The following VTA1 variants were observed in gnomAD, a reference collection of about 807,000 sequenced individuals.
The protein encoded by VTA1 is vesicle trafficking 1, also known as vacuolar protein sorting-associated protein VTA1 homolog.
VTA1 carries 24 observed loss-of-function variants against 36.9 expected under a neutral mutation model. That is an observed-to-expected ratio of 0.65 (90% confidence interval 0.47 to 0.91). The LOEUF is 0.91. VTA1 is among the 40% of genes least tolerant of loss of function. The pLI is 0.00. For synonymous variants in VTA1, 142 were observed against 130.2 expected, an observed-to-expected ratio of 1.09 and a Z score of -0.62; for missense variants, 393 against 377.2, an observed-to-expected ratio of 1.04 and a Z score of -0.35.
chr6:142,167,069 C>T (rs2114642530), intron 2 of VTA1, among the ~76,000 whole-genome samples: 1 of 152,280 alleles, frequency 6.6e-6, no homozygotes, highest in African/African-American at 2.4e-5. Context: ...CTTATCCTTT[C>T]TTCCTCCCTC....
rs974889144 is a variant in VTA1, at chr6:142,163,301, G to A, written c.113-2927G>A. ...CTAGTATTTATATTCTAGGTAGTAG[G>A]GAGGAAAAAAGGGAGAGGGTCTGCA... On this transcript the variant is annotated intron_variant, in intron 1 of 7. Coordinates refer to ENST00000367630, the MANE Select transcript of VTA1 (RefSeq NM_016485.5). 5.3e-5 allele frequency among the ~76,000 whole-genome samples: 8 copies of A among 151,860 alleles called. No homozygotes were observed. In the East Asian group the frequency reaches 1.5e-3, roughly 29 times the overall value.
intron 7 of VTA1, among the ~76,000 whole-genome samples, chr6:142,216,497 T>C (rs572334055): frequency 6.6e-6 from 1 of 152,276 alleles, no homozygotes; most frequent in African/African-American, 2.4e-5. Flanking sequence ...TGGATCTAAA[T>C]CTGTACATTG....
chr6:142,165,700 C>T (rs947093075), intron 1 of VTA1, among the ~76,000 whole-genome samples: 2 of 152,114 alleles, frequency 1.3e-5, no homozygotes, highest in African/African-American at 4.8e-5. Flanking sequence ...GTGGTGACAG[C>T]TATTTAGGTT....
In VTA1 at chr6:142,223,598, G is replaced by A. The variant is rs1402870688; in HGVS notation, c.*4955G>A. On this transcript the variant is annotated 3_prime_UTR_variant, in exon 8 of 8. Coordinates refer to ENST00000367630, the MANE Select transcript of VTA1 (RefSeq NM_016485.5). The stretch of plus-strand genomic sequence containing the variant: ...GAGGGAAAGACATAATTGCATAGCA[G>A]TATTCCATGAATATAACTTAATGGG... The A allele has an allele frequency of 6.6e-6, 1 of 152,010 alleles. No individual in the cohort carries two copies. Among genetic ancestry groups the A allele is most frequent in the Non-Finnish European group, 1.5e-5 (1 of 68,014 alleles). The allele number at this position is 152,010 out of a possible 1,614,324, so 9.4% of individuals were successfully genotyped here. A position where few individuals can be genotyped will look rare whatever the true frequency, so the allele number is the denominator to read the frequency against.
intron 7 of VTA1, among the ~76,000 whole-genome samples, chr6:142,216,965 G>C (rs225708): frequency 6.6e-6 from 1 of 151,980 alleles, no homozygotes; most frequent in African/African-American, 2.4e-5. Flanking sequence ...CCTAGACAGC[G>C]TATGTAGTGT....
chr6:142,165,818 T>A (rs1329292174), intron 1 of VTA1, among the ~76,000 whole-genome samples: 2 of 152,202 alleles, frequency 1.3e-5, no homozygotes, highest in Non-Finnish European at 2.9e-5. Flanking sequence ...AAACCTCAGT[T>A]CAAGTCTCAT....
At chr6:142,190,486 G>A (rs1425343492) in intron 5 of VTA1, among the ~76,000 whole-genome samples, 2 of 151,398 alleles carry the variant, frequency 1.3e-5, no homozygotes, top group Non-Finnish European at 2.9e-5. Flanking sequence ...CACACAGTGC[G>A]TTTTACAAAT....
intron 4 of VTA1, among the ~76,000 whole-genome samples, chr6:142,180,823 A>G (rs1775212135): frequency 6.6e-6 from 1 of 151,880 alleles, no homozygotes; most frequent in South Asian, 2.1e-4. Context: ...ATCAATAGAC[A>G]TTTTACAGCT....
At chr6:142,167,593 G>A (rs757593557) in intron 2 of VTA1, among the ~76,000 whole-genome samples, 5 of 152,124 alleles carry the variant, frequency 3.3e-5, no homozygotes, top group Non-Finnish European at 5.9e-5. Flanking sequence ...CAAGACTTAT[G>A]CGAAGACAGA....
At chr6:142,198,309 T>A (rs1775607372) in intron 5 of VTA1, 130 bp from the exon 6 acceptor site, 1 of 739,470 alleles carries the variant, frequency 1.4e-6, no homozygotes, top group African/African-American at 1.8e-5. Flanking sequence ...AGAATAGAGC[T>A]TGCTTCTCCA....
In VTA1 at chr6:142,221,325, G is replaced by A. The variant is rs1776105211; in HGVS notation, c.*2682G>A. 1 of 152,138 alleles carries A rather than the reference G, an allele frequency of 6.6e-6. No homozygotes were observed. The highest frequency in any genetic ancestry group is 6.6e-5 in the Admixed American group (1 of 15,266). The allele number at this position is 152,138 out of a possible 1,614,324, so 9.4% of individuals were successfully genotyped here. ...GACATATGCATATTTCAATAGAATA[G>A]CCAGGATAGACCTCCCTGAGGTAAC... On this transcript the variant is annotated 3_prime_UTR_variant, in exon 8 of 8. Transcript: ENST00000367630.
intron 1 of VTA1, among the ~76,000 whole-genome samples, chr6:142,165,941 T>C (rs1176176646): frequency 6.6e-6 from 1 of 151,940 alleles, no homozygotes; most frequent in Non-Finnish European, 1.5e-5. Context: ...ACCAATTAAA[T>C]TATAGGTGCC....
chr6:142,198,163 GTA>G (rs1554220897), intron 5 of VTA1, among the ~76,000 whole-genome samples: 691 of 66,944 alleles, frequency 0.01, 10 homozygotes, highest in South Asian at 0.037. Context: ...GTGTGTGTGT[GTA>G]TATGTGTGTA....
At chr6:142,214,871 T>C (rs929708446) in intron 7 of VTA1, among the ~76,000 whole-genome samples, 1 of 152,196 alleles carries the variant, frequency 6.6e-6, no homozygotes, top group Non-Finnish European at 1.5e-5. Context: ...TTTTTAAAAA[T>C]AGTGCATTTA....
rs552714927 is a variant in VTA1, at chr6:142,182,356, G to C, written c.412-7070G>C. 4.6e-5 allele frequency among the ~76,000 whole-genome samples: 7 copies of C among 152,144 alleles called. No individual in the cohort carries two copies. The South Asian group carries it at 1.2e-3, about 27-fold the overall frequency. On this transcript the variant is annotated intron_variant, in intron 4 of 7. Transcript: ENST00000367630. Reference sequence around the variant, plus strand: ...GAGATGAGAATGAGGGTGGTGGGGGGAGGATTCAAACAGAGAATTTATAAA... The same window carrying C: ...GAGATGAGAATGAGGGTGGTGGGGGCAGGATTCAAACAGAGAATTTATAAA...
At chr6:142,147,663 C>T (rs1582870958) in intron 1 of VTA1, among the ~76,000 whole-genome samples, 1 of 152,208 alleles carries the variant, frequency 6.6e-6, no homozygotes, top group Non-Finnish European at 1.5e-5. Context: ...ATATAATCTT[C>T]CAAGGTTTTC....
At chr6:142,171,282 A>T (rs1442951410) in intron 4 of VTA1, among the ~76,000 whole-genome samples, 5 of 152,004 alleles carry the variant, frequency 3.3e-5, no homozygotes, top group Admixed American at 2.6e-4. Flanking sequence ...TTTACTAGAG[A>T]CAGGGTTTCA....
At chr6:142,164,627 G>C (rs1327738061) in intron 1 of VTA1, among the ~76,000 whole-genome samples, 1 of 152,012 alleles carries the variant, frequency 6.6e-6, no homozygotes. Flanking sequence ...AATTGAATTG[G>C]TAATTCTGAG....
At chr6:142,196,430 A>G (rs1775553077) in intron 5 of VTA1, among the ~76,000 whole-genome samples, 1 of 152,208 alleles carries the variant, frequency 6.6e-6, no homozygotes, top group Non-Finnish European at 1.5e-5. Context: ...TTTCCTGCAA[A>G]AAGCATATAG....
Sources: gnomAD v4.1 joint callset for allele counts (sites outside exome capture counted in the v4.1 genomes callset) on GRCh38, gnomAD v4.1.1 for gene constraint, MANE v1.5 for transcripts, NCBI Gene and HGNC (gene_info 2026-07-23, HGNC 2026-07-21) for gene names.